The following POLD1 variants were observed in gnomAD, a reference collection of about 807,000 sequenced individuals.
The protein encoded by POLD1 is DNA polymerase delta catalytic subunit.
Under a neutral mutation model 129.7 loss-of-function variants are expected in POLD1, and 79 were observed. The observed-to-expected ratio is 0.61, with a 90% CI of 0.51 to 0.73. The LOEUF is 0.73. Ranked by LOEUF, POLD1 falls within the 30% of genes least tolerant of loss-of-function variation. The pLI is 0.00. For missense variants in POLD1, 1,338 were observed against 1,595.8 expected, an observed-to-expected ratio of 0.84 and a Z score of 2.75; for synonymous variants, 714 against 683.3, an observed-to-expected ratio of 1.04 and a Z score of -0.70.
rs1026587899 is a variant in POLD1, at chr19:50,406,830, C to G, written c.1495-153C>G. On this transcript the variant is annotated intron_variant, in intron 12 of 26. Transcript: ENST00000440232. This position sits in a 1 kb window ranked among gnomAD's most constrained non-coding sequence, Gnocchi z 5.5. Reference sequence around the variant, plus strand: ...CCTGGCCCCCAACCCTACCTCCATCCCCACCCAGACCCTGACGACTTGGAG... The same window carrying G: ...CCTGGCCCCCAACCCTACCTCCATCGCCACCCAGACCCTGACGACTTGGAG... 2.6e-5 allele frequency among the ~76,000 whole-genome samples: 4 copies of G among 152,020 alleles called. No individual in the cohort carries two copies. Among genetic ancestry groups the G allele is most frequent in the African/African-American group, 7.2e-5 (3 of 41,400 alleles).
At chr19:50,400,522 A>ATT (rs1016107364) in intron 3 of POLD1, among the ~76,000 whole-genome samples, 2,197 of 63,540 alleles carry the variant, frequency 0.035, 501 homozygotes, top group African/African-American at 0.083. Flanking sequence ...TGCCCCGCCT[A>ATT]TTTTTTTTTT....
intron 24 of POLD1, 151 bp downstream of exon 24, chr19:50,416,874 G>C: frequency 1.0e-6 from 1 of 953,632 alleles, no homozygotes; most frequent in Non-Finnish European, 1.5e-6. Context: ...CCCCACAGAG[G>C]GTCCTCGGCC....
At chr19:50,401,630 A>AC in intron 3 of POLD1, 148 bp from the exon 4 acceptor site, 1 of 816,218 alleles carries the variant, frequency 1.2e-6, no homozygotes. Flanking sequence ...GGAGATGGGA[A>AC]CCAGGGGGGA....
In POLD1 at chr19:50,415,539, G is replaced by T. The variant is rs748904485; in HGVS notation, c.2666G>T (p.Arg889Leu). ...CTGGTCATCACCAAGGAGCTGACCC[G>T]CGCGGCCTCCGACTATGCCGGCAAG... ...SQLVITKELT[R>L]AASDYAGKQA... Residue 889 changes from arginine (R) to leucine (L), a missense_variant, in exon 21 of 27, where the codon CGC becomes CTC. Arg to Leu is a moderately radical substitution (Grantham distance 102). Coordinates refer to ENST00000440232, the MANE Select transcript of POLD1 (RefSeq NM_002691.4). The T allele has an allele frequency of 1.2e-6, 2 of 1,613,084 alleles. No individual in the cohort carries two copies. Among genetic ancestry groups the T allele is most frequent in the Non-Finnish European group, 1.7e-6 (2 of 1,179,786 alleles).
In POLD1 at chr19:50,415,597, C is replaced by A. The variant is rs767410345; in HGVS notation, c.2717+7C>A. Reference sequence around the variant, plus strand: ...ACGTGGAGCTGGCCGAGAGGTCCTGCGCGGGGCGGGTGGCCTGGCCAGAAA... The same window carrying A: ...ACGTGGAGCTGGCCGAGAGGTCCTGAGCGGGGCGGGTGGCCTGGCCAGAAA... On this transcript the variant is annotated splice_region_variant and intron_variant, in intron 21 of 26. Coordinates refer to ENST00000440232, the MANE Select transcript of POLD1 (RefSeq NM_002691.4). The A allele has an allele frequency of 1.9e-6, 3 of 1,608,740 alleles. No individual in the cohort carries two copies. Among genetic ancestry groups the A allele is most frequent in the Non-Finnish European group, 8.5e-7 (1 of 1,177,196 alleles).
chr19:50,408,944 G>A, intron 15 of POLD1, 43 bp downstream of exon 15: 2 of 1,565,594 alleles, frequency 1.3e-6, no homozygotes, highest in South Asian at 2.3e-5. Flanking sequence ...GGCCCATCTG[G>A]GCCTTCCCTT....
At chr19:50,407,584 A>T (rs2038943004) in intron 14 of POLD1, among the ~76,000 whole-genome samples, 169 bp downstream of exon 14, 1 of 151,466 alleles carries the variant, frequency 6.6e-6, no homozygotes, top group South Asian at 2.1e-4. Context: ...TTTGAGACAG[A>T]GTCTCGCTCT....
intron 9 of POLD1, 47 bp from the exon 10 acceptor site, chr19:50,403,446 C>T (rs200631430): frequency 2.3e-5 from 32 of 1,415,132 alleles, no homozygotes; most frequent in African/African-American, 8.5e-5. Context: ...TAGGGGAATC[C>T]GAGGCAGGGC....
chr19:50,400,133 A>ATTTTTTTTTTTTT lies in POLD1; in HGVS notation c.316+665_316+677dup, dbSNP rs71182715. Among the ~76,000 whole-genome samples, 97 of 48,150 alleles carry ATTTTTTTTTTTTT rather than the reference A, an allele frequency of 2.0e-3. 2 individuals carry two copies. The highest frequency in any genetic ancestry group is 2.9e-3 in the Non-Finnish European group (69 of 23,512). The allele number at this position is 48,150 out of a possible 152,430, so 31.6% of individuals were successfully genotyped here. On this transcript the variant is annotated intron_variant, in intron 3 of 26. Coordinates refer to ENST00000440232, the MANE Select transcript of POLD1 (RefSeq NM_002691.4). The stretch of plus-strand genomic sequence containing the variant: ...CCAGCCCAATTTGACTTTTTAAAAG[A>ATTTTTTTTTTTTT]TTTTTTTTTTTTTTTTTTTTTTTTT...
rs754416243 is a variant in POLD1 at position 50,416,463 on chromosome 19, C to T, written c.2888C>T (p.Ala963Val). The change falls in exon 23 of 27, where the codon GCC becomes GTC. Residue 963 changes from alanine (A) to valine (V), a missense_variant. Physicochemically the swap from Ala to Val is moderately conservative, Grantham distance 64. Coordinates refer to ENST00000440232, the MANE Select transcript of POLD1 (RefSeq NM_002691.4). ...DTQYYLEQQLAKPLLRIFEPI... is the reference protein window; with the variant it reads ...DTQYYLEQQLVKPLLRIFEPI... ...CAGTACTACCTGGAGCAGCAGCTGG[C>T]CAAGCCCCTCCTGCGCATCTTCGAG... The T allele has an allele frequency of 7.1e-6, 11 of 1,550,304 alleles. No individual in the cohort carries two copies. The South Asian group carries it at 1.3e-4, about 18-fold the overall frequency.
At position 50,417,924 on chromosome 19, in the gene POLD1, C is replaced by A. The variant is rs142223599; in HGVS notation, c.3301C>A (p.Pro1101Thr). The change falls in exon 27 of 27, where the codon CCC (proline) becomes ACC (threonine). Residue 1101 changes from proline (P) to threonine (T), a missense_variant. By Grantham distance (38) the Pro-to-Thr change is conservative (BLOSUM62 -1). Transcript: ENST00000440232. ...GGAGCAGCTCCTGCGGCGCTTCGGA[C>A]CCCCTGGACCTGAGGCCTGGTGACC... ...DQEQLLRRFG[P>T]PGPEAW The A allele has an allele frequency of 2.5e-6, 4 of 1,609,100 alleles. No individual in the cohort carries two copies. Among genetic ancestry groups the A allele is most frequent in the Non-Finnish European group, 3.4e-6 (4 of 1,177,202 alleles).
Position 50,406,142 on chromosome 19 carries a change from G to A in POLD1, c.1243-40G>A, listed in dbSNP as rs771384768. 1.9e-6 allele frequency: 3 copies of A among 1,596,488 alleles called. No homozygotes were observed. The highest frequency in any genetic ancestry group is 1.7e-4 in the Middle Eastern group (1 of 5,986). Reference sequence around the variant, plus strand: ...TCCGTTCTTCAGGCTTATGTGACGGGGACCCGCAGCCTGCTGCACACCCTG... The same window carrying A: ...TCCGTTCTTCAGGCTTATGTGACGGAGACCCGCAGCCTGCTGCACACCCTG... On this transcript the variant is annotated intron_variant, in intron 10 of 26. Coordinates refer to ENST00000440232, the MANE Select transcript of POLD1 (RefSeq NM_002691.4). The surrounding 1 kb of genome is among the most constrained non-coding windows in gnomAD (Gnocchi z 5.5).
chr19:50,401,333 T>C (rs1321877641), intron 3 of POLD1, among the ~76,000 whole-genome samples: 2 of 144,188 alleles, frequency 1.4e-5, no homozygotes, highest in African/African-American at 5.1e-5. Context: ...TATTTATTTG[T>C]ACATATAATA....
At chr19:50,416,814 TGCCACCCAGTGGGCCCAGG>T in intron 24 of POLD1, 91 bp downstream of exon 24, 1 of 1,092,548 alleles carries the variant, frequency 9.2e-7, no homozygotes, top group Non-Finnish European at 1.3e-6. Flanking sequence ...CGGCTGGCAC[TGCCACCCAGTGGGCCCAGG>T]GCCCCTGGGT....
At position 50,413,863 on chromosome 19, in the gene POLD1, G is replaced by A. The variant is rs1174011798; in HGVS notation, c.2372G>A (p.Arg791Gln). ...TCAGGTCACTTCCCGTCGCCCATCCGGCTGGAGTTTGAGAAGGTGCGTGGC... is the reference window on the plus strand; with the variant it reads ...TCAGGTCACTTCCCGTCGCCCATCCAGCTGGAGTTTGAGAAGGTGCGTGGC... Reference protein sequence around the residue: ...WVSGHFPSPIRLEFEKVYFPY... With the variant: ...WVSGHFPSPIQLEFEKVYFPY... The change falls in exon 19 of 27, where the codon CGG becomes CAG. Residue 791 changes from arginine to glutamine, a missense_variant. This residue lies in a region of POLD1 where 720 missense variants were observed against 1,002.6 expected (regional missense o/e 0.72). Transcript: ENST00000440232. The A allele has an allele frequency of 6.9e-6, 11 of 1,604,342 alleles. No homozygotes were observed. Among genetic ancestry groups the A allele is most frequent in the Admixed American group, 3.4e-5 (2 of 58,742 alleles).
At chr19:50,392,985 T>TTA (rs986424966) in intron 1 of POLD1, among the ~76,000 whole-genome samples, 40 of 152,358 alleles carry the variant, frequency 2.6e-4, no homozygotes, top group African/African-American at 9.6e-4. Context: ...CTTAACATAT[T>TTA]TAAATAGCCC....
Position 50,418,014 on chromosome 19 carries a change from A to G in POLD1, c.*67A>G, listed in dbSNP as rs568346591. ...ATTAATAAAGTTCTGGACTTTTGCT[A>G]TATGGTGCTTTGTGGTCTCTGGGGG... is the stretch of plus-strand genomic sequence containing the variant. On this transcript the variant is annotated 3_prime_UTR_variant, in exon 27 of 27. Coordinates refer to ENST00000440232, the MANE Select transcript of POLD1 (RefSeq NM_002691.4). This position sits in a 1 kb window ranked among gnomAD's most constrained non-coding sequence, Gnocchi z 6.0. The G allele has an allele frequency of 5.8e-6, 6 of 1,027,212 alleles. No homozygotes were observed. The Admixed American group carries it at 6.0e-5, about 10-fold the overall frequency. 63.6% of individuals were successfully genotyped at this position (1,027,212 alleles called of 1,614,324 possible).
At chr19:50,407,638 A>G (rs2038945145) in intron 14 of POLD1, among the ~76,000 whole-genome samples, 2 of 151,054 alleles carry the variant, frequency 1.3e-5, no homozygotes, top group Admixed American at 1.3e-4. Context: ...AGCTCACTGC[A>G]AGCTTTGCCT....
chr19:50,408,374 T>C (rs1172270661), intron 14 of POLD1, among the ~76,000 whole-genome samples: 2 of 151,700 alleles, frequency 1.3e-5, no homozygotes, highest in Non-Finnish European at 2.9e-5. Context: ...ATTAATTATA[T>C]ATATTATTTT....
Sources: allele counts gnomAD v4.1 joint callset (sites outside exome capture counted in the v4.1 genomes callset), GRCh38; gene constraint gnomAD v4.1.1; regional missense constraint gnomAD v4.1.1; non-coding constraint Gnocchi (gnomAD v3.1); transcripts MANE v1.5; gene names NCBI Gene and HGNC (gene_info 2026-07-23, HGNC 2026-07-21).